Variants in RAD54B observed in about 807,000 individuals in gnomAD.
RAD54B encodes the protein RAD54 homolog B.
RAD54B carries 78 observed loss-of-function variants against 95.8 expected under a neutral mutation model. The observed-to-expected ratio is 0.81, with a 90% confidence interval of 0.68 to 0.98. The LOEUF (loss-of-function observed/expected upper bound fraction) is 0.98, where lower values mean the gene tolerates loss of function less well. Ranked by LOEUF, RAD54B falls within the 50% of genes least tolerant of loss-of-function variation. The pLI is 0.00. For missense variants in RAD54B, 957 were observed against 1,056.6 expected (o/e 0.91, Z 1.31); for synonymous variants, 328 against 354.9 (o/e 0.92, Z 0.85).
At chr8:94,436,898 T>C (rs1468832300) in intron 3 of RAD54B, 15 of 1,488,680 alleles carry the variant, frequency 1.0e-5, no homozygotes, top group Non-Finnish European at 1.3e-5. Context: ...AGGCAGTTTC[T>C]GAAACCACCA....
chr8:94,429,037 A>G, intron 3 of RAD54B: 1 of 984,672 alleles, frequency 1.0e-6, no homozygotes. Context: ...AATTATATGC[A>G]TTTAAACTTT....
chr8:94,442,576 GA>G (rs531694623), intron 3 of RAD54B, among the ~76,000 whole-genome samples: 220 of 45,644 alleles, frequency 4.8e-3, no homozygotes, highest in East Asian at 8.2e-3. Context: ...CTCTGTCTCA[GA>G]AAAAAAAAAA....
chr8:94,377,564 A>G (rs1201253075), intron 14 of RAD54B, among the ~76,000 whole-genome samples: 2 of 83,400 alleles, frequency 2.4e-5, no homozygotes, highest in African/African-American at 6.2e-5. Context: ...AAAAAAAAAA[A>G]AAAAAAAAAA....
chr8:94,424,890 T>G (rs1017572066), intron 3 of RAD54B, among the ~76,000 whole-genome samples: 2 of 151,766 alleles, frequency 1.3e-5, no homozygotes, highest in African/African-American at 4.8e-5. Flanking sequence ...GGCAAAACTC[T>G]GTCTCTATAA....
intron 3 of RAD54B, among the ~76,000 whole-genome samples, chr8:94,418,903 T>G (rs974713317): frequency 9.2e-5 from 14 of 152,222 alleles, no homozygotes; most frequent in African/African-American, 3.4e-4. Flanking sequence ...TGTGAATTCA[T>G]CTTTATCAAT....
In RAD54B at chr8:94,387,058, A is replaced by G. The variant is rs1246534850; in HGVS notation, c.1911T>C (p.Thr637=). ...FPADYNPLLF[T]EKESGKLQVL... ...CCTGTAGTTTTCCTGACTCCTTTTC[A>G]GTAAACAGGAGAGGGTTGTAGTCAG... Residue 637 remains threonine, a synonymous_variant, in exon 11 of 15, where the codon ACT becomes ACC. Coordinates refer to ENST00000336148, the MANE Select transcript of RAD54B (RefSeq NM_012415.3). 7 of 1,613,586 alleles carry G rather than the reference A, an allele frequency of 4.3e-6. No homozygotes were observed. The highest frequency in any genetic ancestry group is 5.1e-6 in the Non-Finnish European group (6 of 1,179,738).
At position 94,385,321 on chromosome 8, in the gene RAD54B, C is replaced by T. The variant is rs1390837252; in HGVS notation, c.1985+1663G>A. 3.4e-5 allele frequency among the ~76,000 whole-genome samples: 5 copies of T among 147,250 alleles called. No individual in the cohort carries two copies. In the East Asian group the frequency reaches 9.9e-4, roughly 29 times the overall value. On this transcript the variant is annotated intron_variant, in intron 11 of 14. Coordinates refer to ENST00000336148, the MANE Select transcript of RAD54B (RefSeq NM_012415.3). ...TCACTCATTATCCTTTGTCCAATGACAGCCACCTATCCCGCCCACCCTTCA... is the reference window on the plus strand; with the variant it reads ...TCACTCATTATCCTTTGTCCAATGATAGCCACCTATCCCGCCCACCCTTCA...
chr8:94,375,562 C>CT (rs1413974143), intron 14 of RAD54B, among the ~76,000 whole-genome samples: 3 of 152,124 alleles, frequency 2.0e-5, no homozygotes, highest in East Asian at 1.9e-4. Flanking sequence ...AATTAAACTT[C>CT]TTTTTTTTGT....
chr8:94,474,806 G>C (rs28681034), intron 1 of RAD54B, among the ~76,000 whole-genome samples, 195 bp downstream of exon 1: 6,055 of 152,186 alleles, frequency 0.04, 136 homozygotes, highest in Non-Finnish European at 0.049. Flanking sequence ...TCGCTCCAAG[G>C]CCCCCGGGGC....
At chr8:94,456,225 C>T (rs1287496375) in intron 3 of RAD54B, among the ~76,000 whole-genome samples, 1 of 152,276 alleles carries the variant, frequency 6.6e-6, no homozygotes, top group South Asian at 2.1e-4. Context: ...AGGATATTAT[C>T]TGTAAACACG....
chr8:94,470,631 G>A (rs2130211121), intron 1 of RAD54B, among the ~76,000 whole-genome samples: 1 of 151,330 alleles, frequency 6.6e-6, no homozygotes, highest in Admixed American at 6.6e-5. Flanking sequence ...GGTGGTACAC[G>A]CCTGTAATCC....
chr8:94,378,823 G>A (rs1215426727), intron 12 of RAD54B, among the ~76,000 whole-genome samples, 189 bp from the exon 13 acceptor site: 1 of 152,248 alleles, frequency 6.6e-6, no homozygotes, highest in Non-Finnish European at 1.5e-5. Flanking sequence ...AAAGGGATGA[G>A]TGAACACTTA....
chr8:94,405,192 A>G (rs1344896448), intron 5 of RAD54B, among the ~76,000 whole-genome samples: 2 of 152,184 alleles, frequency 1.3e-5, no homozygotes, highest in East Asian at 3.9e-4. Flanking sequence ...ACACAATTTA[A>G]AAGATTTACT....
At chr8:94,459,795 G>A (rs747537180) in intron 2 of RAD54B, among the ~76,000 whole-genome samples, 1 of 151,810 alleles carries the variant, frequency 6.6e-6, no homozygotes, top group Non-Finnish European at 1.5e-5. Flanking sequence ...AGGAGGCAGA[G>A]GTTGCAGTGA....
At chr8:94,403,480 C>G (rs992609823) in intron 6 of RAD54B, among the ~76,000 whole-genome samples, 5 of 151,868 alleles carry the variant, frequency 3.3e-5, no homozygotes, top group Non-Finnish European at 7.4e-5. Flanking sequence ...AGTTCAAGAC[C>G]AGCCTGGCCA....
intron 3 of RAD54B, among the ~76,000 whole-genome samples, chr8:94,455,275 T>C (rs1048971150): frequency 1.3e-5 from 2 of 152,230 alleles, no homozygotes; most frequent in Admixed American, 1.3e-4. Context: ...CTACTTGACT[T>C]CCCTGAAGCA....
chr8:94,399,676 A>G, intron 7 of RAD54B, 55 bp from the exon 8 acceptor site: 1 of 1,513,032 alleles, frequency 6.6e-7, no homozygotes, highest in Non-Finnish European at 8.8e-7. Flanking sequence ...TATGAAATCA[A>G]ATTTAAGCAG....
chr8:94,436,558 A>G (rs911062339), intron 3 of RAD54B: 3 of 1,550,324 alleles, frequency 1.9e-6, no homozygotes, highest in Non-Finnish European at 2.6e-6. Context: ...CATCTCCATA[A>G]CTTTCTTGGT....
intron 3 of RAD54B, among the ~76,000 whole-genome samples, 166 bp from the exon 4 acceptor site, chr8:94,411,481 C>T (rs1563646638): frequency 6.6e-6 from 1 of 151,758 alleles, no homozygotes; most frequent in Non-Finnish European, 1.5e-5. Flanking sequence ...CTAAGAAATC[C>T]AAATATCAGG....
Sources: allele counts gnomAD v4.1 joint callset (sites outside exome capture counted in the v4.1 genomes callset), GRCh38; gene constraint gnomAD v4.1.1; transcripts MANE v1.5; gene names NCBI Gene and HGNC (gene_info 2026-07-23, HGNC 2026-07-21).